Variants in GCC2 observed in about 807,000 individuals in gnomAD.
GCC2 encodes GRIP and coiled-coil domain-containing protein 2.
GCC2 carries 120 observed loss-of-function variants against 210.6 expected under a neutral mutation model. That is an observed-to-expected ratio of 0.57 (90% CI 0.49 to 0.66). The LOEUF (loss-of-function observed/expected upper bound fraction) is 0.66, where lower values mean the gene tolerates loss of function less well. GCC2 is among the 30% of genes least tolerant of loss of function. The probability of loss-of-function intolerance (pLI) is 0.00; values close to 1 mark genes in which losing one functional copy is unlikely to be tolerated. For missense variants in GCC2, 1,868 were observed against 1,871.9 expected, an observed-to-expected ratio of 1.00 and a Z score of 0.04; for synonymous variants, 703 against 652.7, an observed-to-expected ratio of 1.08 and a Z score of -1.17.
At chr2:108,458,934 T>C (rs1680407089) in intron 4 of GCC2, among the ~76,000 whole-genome samples, 1 of 152,186 alleles carries the variant, frequency 6.6e-6, no homozygotes, top group South Asian at 2.1e-4. Context: ...CTTTGATCTT[T>C]ATTAGTCGTT....
In GCC2 at chr2:108,481,718, A is replaced by G. The variant is rs1345028400; in HGVS notation, c.3082A>G (p.Lys1028Glu). The G allele has an allele frequency of 5.6e-6, 9 of 1,599,470 alleles. No homozygotes were observed. The highest frequency in any genetic ancestry group is 7.7e-6 in the Non-Finnish European group (9 of 1,172,970). The change falls in exon 10 of 23, where the codon AAG (lysine) becomes GAG (glutamate). Residue 1028 changes from lysine (K) to glutamate (E), a missense_variant. Physicochemically the swap from Lys to Glu is moderately conservative, Grantham distance 56. Transcript: ENST00000309863. ...SYKNLLLEYE[K>E]QSEQLDVEKE... Reference sequence around the variant, plus strand: ...GAAGAATCTTTTATTAGAATATGAAAAGCAGTCAGAGCAACTGGATGTGGA... The same window carrying G: ...GAAGAATCTTTTATTAGAATATGAAGAGCAGTCAGAGCAACTGGATGTGGA...
intron 4 of GCC2, among the ~76,000 whole-genome samples, chr2:108,468,438 G>T (rs914618093): frequency 3.3e-5 from 5 of 152,104 alleles, no homozygotes; most frequent in Admixed American, 6.5e-5. Flanking sequence ...TTATTAAAAG[G>T]TGTCTATTTT....
At chr2:108,493,447 T>C (rs1361184622) in intron 19 of GCC2, 1 of 986,208 alleles carries the variant, frequency 1.0e-6, no homozygotes, top group African/African-American at 1.7e-5. Context: ...TTGTTAGACA[T>C]CAAATTTGTC....
In GCC2 at chr2:108,452,465, A is replaced by G; in HGVS notation, c.215A>G (p.Lys72Arg). The G allele has an allele frequency of 1.3e-6, 2 of 1,511,382 alleles. No homozygotes were observed. Among genetic ancestry groups the G allele is most frequent in the Non-Finnish European group, 9.2e-7 (1 of 1,087,702 alleles). The allele number at this position is 1,511,382 out of a possible 1,614,324, so 93.6% of individuals were successfully genotyped here. Residue 72 changes from lysine to arginine, a missense_variant and splice_region_variant, in exon 4 of 23, where the codon AAG becomes AGG. Physicochemically the swap from Lys to Arg is conservative, Grantham distance 26 (BLOSUM62 2). Coordinates refer to ENST00000309863, the MANE Select transcript of GCC2 (RefSeq NM_181453.4). ...PVTEGTGDII[K>R]ALTERLDALL... ...ACTGAAGGAACTGGTGATATTATTA[A>G]GGTAATTATTACGTTGGGAAATGTC... is the stretch of plus-strand genomic sequence containing the variant.
chr2:108,503,468 G>T (rs1211054029), intron 22 of GCC2, among the ~76,000 whole-genome samples: 2 of 152,202 alleles, frequency 1.3e-5, no homozygotes, highest in Non-Finnish European at 2.9e-5. Context: ...ATGCAAGAAA[G>T]AAAGACATGC....
intron 5 of GCC2, 129 bp from the exon 6 acceptor site, chr2:108,469,522 T>C (rs1355934164): frequency 3.2e-6 from 2 of 628,218 alleles, no homozygotes; most frequent in Non-Finnish European, 5.5e-6. Flanking sequence ...ATCAGTATCA[T>C]GTTTCTCCAA....
intron 19 of GCC2, chr2:108,493,324 G>T: frequency 1.4e-6 from 1 of 712,210 alleles, no homozygotes; most frequent in Non-Finnish European, 1.7e-6. Flanking sequence ...TCCTGACCTC[G>T]TGATCCACCC....
intron 15 of GCC2, 200 bp from the exon 16 acceptor site, chr2:108,486,311 A>T (rs1333905087): frequency 1.2e-5 from 7 of 578,890 alleles, no homozygotes; most frequent in South Asian, 2.1e-5. Context: ...TTTTGAATTG[A>T]TGTTGGTTTA....
At chr2:108,498,604 C>T (rs549337432) in intron 21 of GCC2, among the ~76,000 whole-genome samples, 2 of 152,224 alleles carry the variant, frequency 1.3e-5, no homozygotes, top group South Asian at 2.1e-4. Context: ...AACTTTCTTG[C>T]CTAACCTAAA....
intron 21 of GCC2, among the ~76,000 whole-genome samples, chr2:108,499,278 C>G (rs3868866): frequency 1.3e-5 from 2 of 152,074 alleles, no homozygotes; most frequent in Non-Finnish European, 2.9e-5. Flanking sequence ...TTGGTTCATA[C>G]GCAGCAATCC....
chr2:108,471,985 T>C lies in GCC2; in HGVS notation c.2656T>C (p.Ser886Pro), dbSNP rs1681254769. 1.2e-6 allele frequency: 2 copies of C among 1,603,104 alleles called. No homozygotes were observed. The highest frequency in any genetic ancestry group is 1.7e-6 in the Non-Finnish European group (2 of 1,176,922). ...TCTTTTAATTCAAGTTGAAGAAGTA[T>C]CTCAAACATGTAGCAAAAGTGAAAT... The part of the protein sequence containing the change: ...QNLLIQVEEV[S>P]QTCSKSEIHN... Residue 886 changes from serine (S) to proline (P), a missense_variant, in exon 6 of 23, where the codon TCT (serine) becomes CCT (proline). By Grantham distance (74) the Ser-to-Pro change is moderately conservative (BLOSUM62 -1). Coordinates refer to ENST00000309863, the MANE Select transcript of GCC2 (RefSeq NM_181453.4).
intron 22 of GCC2, among the ~76,000 whole-genome samples, chr2:108,500,350 T>C (rs1487443079): frequency 6.6e-6 from 1 of 151,972 alleles, no homozygotes; most frequent in Non-Finnish European, 1.5e-5. Flanking sequence ...TCGTCTCTAC[T>C]AAAAATACAA....
At position 108,485,644 on chromosome 2, in the gene GCC2, CAGT is replaced by C; in HGVS notation, c.3623_3625del (p.Gln1208_Ser1209delinsPro). 6.6e-7 allele frequency: 1 copy of C among 1,509,436 alleles called. No homozygotes were observed. Among genetic ancestry groups the C allele is most frequent in the Non-Finnish European group, 8.9e-7 (1 of 1,117,930 alleles). 93.5% of individuals were successfully genotyped at this position (1,509,436 alleles called of 1,614,324 possible). A position where few individuals can be genotyped will look rare whatever the true frequency, so the allele number is the denominator to read the frequency against. On this transcript the variant is annotated inframe_deletion, in exon 14 of 23. Coordinates refer to ENST00000309863, the MANE Select transcript of GCC2 (RefSeq NM_181453.4). ...ATTATTTCTTGTGCTAGCTTCATTA[CAGT>C]CTTCAGTACAACAATATGAAGAAAA...
intron 4 of GCC2, among the ~76,000 whole-genome samples, chr2:108,467,368 CT>C (rs891849992): frequency 6.6e-6 from 1 of 152,162 alleles, no homozygotes; most frequent in Admixed American, 6.5e-5. Context: ...CCTATATCTA[CT>C]TTGTGAAACT....
Position 108,502,783 on chromosome 2 carries a change from C to T in GCC2, c.4984+3029C>T, listed in dbSNP as rs1465762570. ...ACTCAGAATACAAAAATTAGCCGGG[C>T]GTGGTGGCACATGCCTGTAATCCCA... On this transcript the variant is annotated intron_variant, in intron 22 of 22. Transcript: ENST00000309863. 1.9e-4 allele frequency among the ~76,000 whole-genome samples: 29 copies of T among 151,766 alleles called. 1 individual carries two copies. Among genetic ancestry groups the T allele is most frequent in the Admixed American group, 6.6e-5 (1 of 15,242 alleles).
At position 108,449,512 on chromosome 2, in the gene GCC2, T is replaced by C. The variant is rs570460106; in HGVS notation, c.7-121T>C. On this transcript the variant is annotated intron_variant, in intron 1 of 22. Transcript: ENST00000309863. ...CGCCTCCGTCCGCCCTCATTCTCTG[T>C]CTCACGAGGCTTTCCACCACTTGAT... The C allele has an allele frequency of 3.3e-5, 41 of 1,240,904 alleles. No individual in the cohort carries two copies. The East Asian group carries it at 8.8e-4, about 27-fold the overall frequency. The allele number at this position is 1,240,904 out of a possible 1,614,324, so 76.9% of individuals were successfully genotyped here. A position where few individuals can be genotyped will look rare whatever the true frequency, so the allele number is the denominator to read the frequency against.
chr2:108,467,747 A>G (rs1680979005), intron 4 of GCC2, among the ~76,000 whole-genome samples: 1 of 152,182 alleles, frequency 6.6e-6, no homozygotes, highest in Non-Finnish European at 1.5e-5. Context: ...TTCTGTAAGT[A>G]GTTGGATATT....
intron 9 of GCC2, among the ~76,000 whole-genome samples, chr2:108,476,054 C>CTTTTT (rs56236751): frequency 9.3e-5 from 9 of 96,314 alleles, no homozygotes; most frequent in Middle Eastern, 6.6e-3. Context: ...TAGTGGCTTG[C>CTTTTT]TTTTTTTTTT....
chr2:108,470,707 C>G lies in GCC2; in HGVS notation c.1378C>G (p.Gln460Glu). The G allele has an allele frequency of 6.2e-7, 1 of 1,610,740 alleles. No homozygotes were observed. Among genetic ancestry groups the G allele is most frequent in the South Asian group, 1.1e-5 (1 of 90,510 alleles). The change falls in exon 6 of 23, where the codon CAG (glutamine) becomes GAG (glutamate). Residue 460 changes from glutamine (Q) to glutamate (E), a missense_variant. Gln to Glu is a conservative substitution (Grantham distance 29). This residue lies in a region of GCC2 where 1,847 missense variants were observed against 1,765.2 expected (regional missense o/e 1.05). Transcript: ENST00000309863. Reference protein sequence around the residue: ...KEKLTLMFEIQGLKEQCENLQ... With the variant: ...KEKLTLMFEIEGLKEQCENLQ... The stretch of plus-strand genomic sequence containing the variant: ...AAAATTAACATTAATGTTTGAAATA[C>G]AGGGTCTTAAGGAACAGTGTGAAAA...
Sources: allele counts gnomAD v4.1 joint callset (sites outside exome capture counted in the v4.1 genomes callset), GRCh38; gene constraint gnomAD v4.1.1; regional missense constraint gnomAD v4.1.1; transcripts MANE v1.5; gene names NCBI Gene and HGNC (gene_info 2026-07-23, HGNC 2026-07-21).